The following GABRQ variants were observed in gnomAD, a reference collection of about 807,000 sequenced individuals.
The protein encoded by GABRQ is gamma-aminobutyric acid type A receptor subunit theta.
GABRQ carries 19 observed loss-of-function variants against 30.5 expected under a neutral mutation model. That is an observed-to-expected ratio of 0.62 (90% CI 0.43 to 0.91). The LOEUF (loss-of-function observed/expected upper bound fraction) is 0.91, where lower values mean the gene tolerates loss of function less well. Ranked by LOEUF, GABRQ falls within the 40% of genes least tolerant of loss-of-function variation. The pLI, the probability that GABRQ is intolerant of heterozygous loss-of-function variation, is 0.00. For synonymous variants in GABRQ, 187 were observed against 210.2 expected (o/e 0.89, Z 0.95); for missense variants, 520 against 521.4 (o/e 1.00, Z 0.03).
Position 152,652,744 on chromosome X carries a change from C to T in GABRQ, c.1362C>T (p.Pro454=), listed in dbSNP as rs78484935. ...CTGGAGAAAGCCTGAGCGATCTCCC[C>T]TCCACCTCAGAGCAGGCCCGGCACA... ...LATGESLSDL[P]STSEQARHSY... is the part of the protein sequence containing the mutation. The change falls in exon 9 of 9, where the codon CCC becomes CCT. Residue 454 remains proline (P), a synonymous_variant. Transcript: ENST00000598523. 6,607 of 1,209,854 alleles carry T rather than the reference C, an allele frequency of 5.5e-3. 29 individuals carry two copies. The highest frequency in any genetic ancestry group is 6.5e-3 in the Non-Finnish European group (5,840 of 894,310).
chrX:152,658,323 T>G (rs781850672), downstream of GABRQ, among the ~76,000 whole-genome samples: 1 of 111,994 alleles, frequency 8.9e-6, no homozygotes, highest in South Asian at 3.7e-4. Context: ...TGCCACTCTC[T>G]TTCAAGACCA....
chrX:152,655,156 A>T lies in GABRQ; in HGVS notation c.*1875A>T, dbSNP rs1556821039. 8.9e-6 allele frequency: 1 copy of T among 112,723 alleles called. No homozygotes were observed. Among genetic ancestry groups the T allele is most frequent in the Admixed American group, 9.3e-5 (1 of 10,709 alleles). The allele number at this position is 112,723 out of a possible 1,213,427, so 9.3% of individuals were successfully genotyped here. ...TGTGAAAGGAAATACCCCTGAAAGC[A>T]TATGTATTCCCTGTTGGTGACCCTT... On this transcript the variant is annotated 3_prime_UTR_variant, in exon 9 of 9. Transcript: ENST00000598523.
rs1394568125 is a variant in GABRQ, at chrX:152,653,060, C to T, written c.1678C>T (p.Leu560Phe). The change falls in exon 9 of 9, where the codon CTT becomes TTT. Residue 560 changes from leucine (L) to phenylalanine (F), a missense_variant. Transcript: ENST00000598523. ...FKCDTNSTWG[L>F]NDDELMAHGQ... Reference sequence around the variant, plus strand: ...GTGTGATACTAACAGTACCTGGGGCCTTAATGATGATGAGCTCATGGCCCA... The same window carrying T: ...GTGTGATACTAACAGTACCTGGGGCTTTAATGATGATGAGCTCATGGCCCA... 2.5e-6 allele frequency: 3 copies of T among 1,208,351 alleles called. No individual in the cohort carries two copies. The highest frequency in any genetic ancestry group is 3.4e-6 in the Non-Finnish European group (3 of 893,465).
chrX:152,645,408 T>A (rs918629450), intron 2 of GABRQ, 119 bp from the exon 3 acceptor site: 6 of 494,021 alleles, frequency 1.2e-5, no homozygotes, highest in Non-Finnish European at 2.2e-5. Flanking sequence ...GGTGACTTAC[T>A]CAGGATCACA....
At chrX:152,642,425 A>G (rs1360180725) in intron 2 of GABRQ, among the ~76,000 whole-genome samples, 1 of 111,793 alleles carries the variant, frequency 8.9e-6, no homozygotes, top group Admixed American at 9.4e-5. Context: ...TTCCTTGCAT[A>G]CGGGGGACAG....
rs1556821239 is a variant in GABRQ at position 152,657,016 on chromosome X, T to C, written c.*3735T>C. 1 of 111,611 alleles carries C rather than the reference T, an allele frequency of 9.0e-6. No homozygotes were observed. The highest frequency in any genetic ancestry group is 1.9e-5 in the Non-Finnish European group (1 of 53,143). 9.2% of individuals were successfully genotyped at this position (111,611 alleles called of 1,213,427 possible). A position where few individuals can be genotyped will look rare whatever the true frequency, so the allele number is the denominator to read the frequency against. The stretch of plus-strand genomic sequence containing the variant: ...TATGAAATAGCCCAGTTGTTCAGGG[T>C]CACTTCTATTGACTCAATTTGTGTG... On this transcript the variant is annotated 3_prime_UTR_variant, in exon 9 of 9. Coordinates refer to ENST00000598523, the MANE Select transcript of GABRQ (RefSeq NM_018558.4).
In GABRQ at chrX:152,649,754, T is replaced by A. The variant is rs1556819815; in HGVS notation, c.623T>A (p.Val208Asp). The A allele has an allele frequency of 1.7e-6, 2 of 1,190,982 alleles. No homozygotes were observed. The highest frequency in any genetic ancestry group is 4.3e-5 in the Admixed American group (2 of 46,041). Residue 208 changes from valine to aspartate, a missense_variant, in exon 6 of 9, where the codon GTT (valine) becomes GAT (aspartate). Physicochemically the swap from Val to Asp is radical, Grantham distance 152. Transcript: ENST00000598523. ...NLVVESYGYT[V>D]EDIILFWDDN... ...CTCTCCTTCCCAGATGGTTACACGG[T>A]TGAAGACATCATATTATTCTGGGAT...
intron 1 of GABRQ, 50 bp from the exon 2 acceptor site, chrX:152,640,328 C>A: frequency 1.2e-6 from 1 of 808,548 alleles, no homozygotes; most frequent in Non-Finnish European, 1.9e-6. Context: ...CAACCACTGG[C>A]AAGCGGGCCC....
chrX:152,647,292 C>T (rs1930914377), intron 4 of GABRQ, 124 bp downstream of exon 4: 1 of 499,565 alleles, frequency 2.0e-6, no homozygotes, highest in Admixed American at 3.3e-5. Flanking sequence ...CTTGAACTTC[C>T]CCCTTCACTC....
intron 1 of GABRQ, among the ~76,000 whole-genome samples, chrX:152,638,571 G>T (rs1381699545): frequency 8.9e-6 from 1 of 112,029 alleles, no homozygotes; most frequent in Non-Finnish European, 1.9e-5. Context: ...CCGCCCACCT[G>T]TTACTGCGGA....
Position 152,650,431 on chromosome X carries a change from C to T in GABRQ, c.752C>T (p.Ser251Phe). ...TTCCAGTGTGTCTCCTTGCCAGGTT[C>T]CTACATACGCCTGATACTGAAGTTC... ...TSKEVYFYTGSYIRLILKFQV... is the reference protein window; with the variant it reads ...TSKEVYFYTGFYIRLILKFQV... The change falls in exon 7 of 9, where the codon TCC becomes TTC. Residue 251 changes from serine to phenylalanine, a missense_variant. Transcript: ENST00000598523. 2.5e-6 allele frequency: 3 copies of T among 1,203,958 alleles called. No homozygotes were observed. The highest frequency in any genetic ancestry group is 3.4e-6 in the Non-Finnish European group (3 of 891,735).
chrX:152,650,096 A>G (rs1181624280), intron 6 of GABRQ, among the ~76,000 whole-genome samples: 1 of 111,893 alleles, frequency 8.9e-6, no homozygotes, highest in Non-Finnish European at 1.9e-5. Context: ...TGCAGGTGTA[A>G]AAGATTCATG....
intron 1 of GABRQ, among the ~76,000 whole-genome samples, chrX:152,639,378 GCACACA>G (rs199710373): frequency 9.7e-6 from 1 of 103,346 alleles, no homozygotes; most frequent in African/African-American, 3.6e-5. Flanking sequence ...ATGCGCGTGC[GCACACA>G]CACACACACA....
intron 2 of GABRQ, among the ~76,000 whole-genome samples, chrX:152,641,720 G>C (rs1312808730): frequency 8.9e-6 from 1 of 112,582 alleles, no homozygotes; most frequent in African/African-American, 3.2e-5. Context: ...CGTGTCTTCT[G>C]GGTGGATCCC....
Position 152,654,681 on chromosome X carries a change from G to C in GABRQ, c.*1400G>C, listed in dbSNP as rs1280184144. On this transcript the variant is annotated 3_prime_UTR_variant, in exon 9 of 9. Transcript: ENST00000598523. ...CCACTGAGCAGGGCCCCTAACGGAA[G>C]TAGGATTGGCCAGCATTCCAACTTG... is the stretch of plus-strand genomic sequence containing the variant. The C allele has an allele frequency of 3.6e-5, 4 of 111,964 alleles. No homozygotes were observed. In the Admixed American group the frequency reaches 3.8e-4, roughly 11 times the overall value. The allele number at this position is 111,964 out of a possible 1,213,427, so 9.2% of individuals were successfully genotyped here.
At chrX:152,641,972 C>T (rs925253004) in intron 2 of GABRQ, among the ~76,000 whole-genome samples, 4 of 111,873 alleles carry the variant, frequency 3.6e-5, no homozygotes, top group Non-Finnish European at 5.6e-5. Context: ...GTTGACATCT[C>T]TGCAGGCATC....
rs781804359 is a variant in GABRQ at position 152,653,201 on chromosome X, G to A, written c.1819G>A (p.Val607Ile). The change falls in exon 9 of 9, where the codon GTC becomes ATC. Residue 607 changes from valine to isoleucine, a missense_variant. Coordinates refer to ENST00000598523, the MANE Select transcript of GABRQ (RefSeq NM_018558.4). ...CTTTAATCCTGACTACGTCCCAAAG[G>A]TCGACAAGTGGTCCCGGTTCCTCTT... is the stretch of plus-strand genomic sequence containing the variant. ...DLFNPDYVPK[V>I]DKWSRFLFPL... is the part of the protein sequence containing the mutation. 4 of 1,206,838 alleles carry A rather than the reference G, an allele frequency of 3.3e-6. No homozygotes were observed. The highest frequency in any genetic ancestry group is 2.2e-5 in the Admixed American group (1 of 46,055).
Position 152,653,208 on chromosome X carries a change from A to G in GABRQ, c.1826A>G (p.Lys609Arg). 8.3e-7 allele frequency: 1 copy of G among 1,206,585 alleles called. No individual in the cohort carries two copies. Reference protein sequence around the residue: ...FNPDYVPKVDKWSRFLFPLAF... With the variant: ...FNPDYVPKVDRWSRFLFPLAF... Reference sequence around the variant, plus strand: ...CCTGACTACGTCCCAAAGGTCGACAAGTGGTCCCGGTTCCTCTTCCCTCTG... The same window carrying G: ...CCTGACTACGTCCCAAAGGTCGACAGGTGGTCCCGGTTCCTCTTCCCTCTG... Residue 609 changes from lysine (K) to arginine (R), a missense_variant, in exon 9 of 9, where the codon AAG becomes AGG. Transcript: ENST00000598523.
chrX:152,650,677 A>C, intron 7 of GABRQ, 97 bp downstream of exon 7: 1 of 603,736 alleles, frequency 1.7e-6, no homozygotes, highest in East Asian at 3.3e-5. Context: ...TGTGTGACTA[A>C]CTACACAGGC....
Sources: gnomAD v4.1 joint callset for allele counts (sites outside exome capture counted in the v4.1 genomes callset) on GRCh38, gnomAD v4.1.1 for gene constraint, MANE v1.5 for transcripts, NCBI Gene and HGNC (gene_info 2026-07-23, HGNC 2026-07-21) for gene names.